The following GALNT17 variants were observed in gnomAD, a reference collection of about 807,000 sequenced individuals.
GALNT17 encodes the protein UDP-GalNAc:polypeptide N-acetylgalactosaminyltransferase-like 3.
In GALNT17, 29 loss-of-function variants were observed where a neutral mutation model predicts 63.7. The ratio of observed to expected loss-of-function variants is 0.46; its 90% CI spans 0.34 to 0.62. The LOEUF (loss-of-function observed/expected upper bound fraction) is 0.62, where lower values mean the gene tolerates loss of function less well. GALNT17 is among the 20% of genes least tolerant of loss of function. The probability of loss-of-function intolerance (pLI) is 0.01; values close to 1 mark genes in which losing one functional copy is unlikely to be tolerated. For synonymous variants in GALNT17, 305 were observed against 318.3 expected (o/e 0.96, Z 0.45); for missense variants, 603 against 799.6 (o/e 0.75, Z 2.97).
At chr7:71,670,197 C>G (rs546019193) in intron 8 of GALNT17, 88 bp downstream of exon 8, 2 of 1,566,760 alleles carry the variant, frequency 1.3e-6, no homozygotes, top group East Asian at 2.2e-5. Flanking sequence ...GTTGCTCATT[C>G]ATTCATTCAA....
intron 2 of GALNT17, among the ~76,000 whole-genome samples, chr7:71,378,121 C>T (rs182311768): frequency 6.6e-6 from 1 of 152,272 alleles, no homozygotes; most frequent in African/African-American, 2.4e-5. Context: ...GACTAATAGG[C>T]AGGACACACT....
At position 71,487,714 on chromosome 7, in the gene GALNT17, T is replaced by C. The variant is rs554258923; in HGVS notation, c.962+66609T>C. On this transcript the variant is annotated intron_variant, in intron 5 of 10. Transcript: ENST00000333538. ...GCAGAATATTACAGAATTATAGTAGTATTAAAAATAATGGCAAAACCCACA... is the reference window on the plus strand; with the variant it reads ...GCAGAATATTACAGAATTATAGTAGCATTAAAAATAATGGCAAAACCCACA... 4.6e-5 allele frequency among the ~76,000 whole-genome samples: 7 copies of C among 152,240 alleles called. No homozygotes were observed. In the South Asian group the frequency reaches 1.5e-3, roughly 32 times the overall value.
At chr7:71,658,676 T>A (rs1790864274) in intron 6 of GALNT17, among the ~76,000 whole-genome samples, 1 of 151,960 alleles carries the variant, frequency 6.6e-6, no homozygotes, top group African/African-American at 2.4e-5. Context: ...TCACTTAAGG[T>A]CAGGAGTTCA....
chr7:71,553,451 G>A (rs1355204790), intron 5 of GALNT17, among the ~76,000 whole-genome samples: 5 of 152,128 alleles, frequency 3.3e-5, no homozygotes, highest in Admixed American at 3.3e-4. Context: ...ATTCCTAAGA[G>A]TAGAATTTCT....
At chr7:71,524,228 A>G (rs1376443931) in intron 5 of GALNT17, among the ~76,000 whole-genome samples, 2 of 147,584 alleles carry the variant, frequency 1.4e-5, no homozygotes, top group Non-Finnish European at 3.0e-5. Flanking sequence ...TTATTATATT[A>G]TATTATATAT....
chr7:71,294,913 C>A (rs897849625), intron 1 of GALNT17, among the ~76,000 whole-genome samples: 1 of 152,082 alleles, frequency 6.6e-6, no homozygotes, highest in African/African-American at 2.4e-5. Context: ...CATTTAATCC[C>A]CTCTCTCCTG....
intron 2 of GALNT17, among the ~76,000 whole-genome samples, chr7:71,366,008 G>C (rs1792498110): frequency 6.6e-6 from 1 of 152,120 alleles, no homozygotes; most frequent in Admixed American, 6.5e-5. Context: ...AGATCATCAG[G>C]CATTAGATTC....
chr7:71,693,249 T>TACACACAC (rs201316633), intron 9 of GALNT17, among the ~76,000 whole-genome samples: 2 of 124,350 alleles, frequency 1.6e-5, no homozygotes, highest in African/African-American at 6.2e-5. Context: ...CACATATATA[T>TACACACAC]ACACACACAC....
chr7:71,704,854 GA>G (rs151187084), intron 9 of GALNT17, among the ~76,000 whole-genome samples: 8,538 of 151,620 alleles, frequency 0.056, 793 homozygotes, highest in African/African-American at 0.2. Flanking sequence ...ATACTATACA[GA>G]AAAAAAATTC....
intron 1 of GALNT17, among the ~76,000 whole-genome samples, chr7:71,277,297 C>T (rs1293190747): frequency 6.6e-6 from 1 of 151,924 alleles, no homozygotes; most frequent in Non-Finnish European, 1.5e-5. Flanking sequence ...TGGGTACACT[C>T]GCATAGACAT....
chr7:71,133,178 C>T, intron 1 of GALNT17, 138 bp downstream of exon 1: 1 of 723,656 alleles, frequency 1.4e-6, no homozygotes, highest in Non-Finnish European at 2.1e-6. Context: ...CTTACCCTTC[C>T]TGCCCCGTTT....
At chr7:71,308,724 G>GTGCCT (rs1791354852) in intron 1 of GALNT17, among the ~76,000 whole-genome samples, 3 of 151,684 alleles carry the variant, frequency 2.0e-5, no homozygotes, top group Admixed American at 1.3e-4. Flanking sequence ...TGCTTTGGAA[G>GTGCCT]TGCCTTTCAT....
intron 5 of GALNT17, among the ~76,000 whole-genome samples, chr7:71,545,263 CT>C (rs1338409295): frequency 3.9e-5 from 6 of 152,110 alleles, no homozygotes; most frequent in African/African-American, 1.4e-4. Context: ...TCACATCTCT[CT>C]GTTTATTTTT....
chr7:71,409,017 A>AACACACACAC (rs10674037), intron 3 of GALNT17, among the ~76,000 whole-genome samples: 5,060 of 144,882 alleles, frequency 0.035, 101 homozygotes, highest in Non-Finnish European at 0.042. Context: ...CACATACACA[A>AACACACACAC]ACACACACAC....
At chr7:71,133,840 T>TG (rs1260914382) in intron 1 of GALNT17, among the ~76,000 whole-genome samples, 3 of 152,186 alleles carry the variant, frequency 2.0e-5, no homozygotes, top group African/African-American at 7.2e-5. Flanking sequence ...GAGTGAGTGT[T>TG]ACCTACCTGA....
chr7:71,326,873 G>A (rs190793931), intron 1 of GALNT17, among the ~76,000 whole-genome samples: 1 of 152,140 alleles, frequency 6.6e-6, no homozygotes, highest in African/African-American at 2.4e-5. Context: ...CTCTTTTCAG[G>A]CTTAATTCTC....
At chr7:71,337,981 C>G (rs935555777) in intron 2 of GALNT17, among the ~76,000 whole-genome samples, 7 of 152,052 alleles carry the variant, frequency 4.6e-5, no homozygotes, top group African/African-American at 1.7e-4. Flanking sequence ...GGGCAGATCG[C>G]TTGAGCCCAG....
chr7:71,315,979 G>A (rs143688014), intron 1 of GALNT17, among the ~76,000 whole-genome samples: 3 of 152,242 alleles, frequency 2.0e-5, no homozygotes, highest in African/African-American at 7.2e-5. Flanking sequence ...GTCAACTACG[G>A]TGAGAGGGCC....
At chr7:71,212,758 G>T (rs1562919947) in intron 1 of GALNT17, among the ~76,000 whole-genome samples, 1 of 152,166 alleles carries the variant, frequency 6.6e-6, no homozygotes. Flanking sequence ...AAATTGGACT[G>T]CCCTGCTCGA....
Sources: gnomAD v4.1 joint callset for allele counts (sites outside exome capture counted in the v4.1 genomes callset) on GRCh38, gnomAD v4.1.1 for gene constraint, MANE v1.5 for transcripts, NCBI Gene and HGNC (gene_info 2026-07-23, HGNC 2026-07-21) for gene names.